The following CREB5 variants were observed in gnomAD, a reference collection of about 807,000 sequenced individuals.
CREB5 encodes the protein cAMP responsive element binding protein 5.
CREB5 carries 19 observed loss-of-function variants against 57.1 expected under a neutral mutation model. The observed-to-expected ratio is 0.33, with a 90% CI of 0.23 to 0.49. The LOEUF (loss-of-function observed/expected upper bound fraction) is 0.49. Ranked by LOEUF, CREB5 falls within the 20% of genes least tolerant of loss-of-function variation. The pLI, the probability that CREB5 is intolerant of heterozygous loss-of-function variation, is 0.99. For synonymous variants in CREB5, 238 were observed against 238.3 expected (o/e 1.00, Z 0.01); for missense variants, 579 against 671.6 (o/e 0.86, Z 1.52).
At chr7:28,521,242 CAATT>C (rs1371635990) in intron 4 of CREB5, among the ~76,000 whole-genome samples, 1 of 152,162 alleles carries the variant, frequency 6.6e-6, no homozygotes, top group African/African-American at 2.4e-5. Flanking sequence ...GGAAACATCT[CAATT>C]AGAGTTTCGG....
intron 4 of CREB5, among the ~76,000 whole-genome samples, chr7:28,526,286 A>C (rs917989350): frequency 6.6e-6 from 1 of 152,246 alleles, no homozygotes; most frequent in Non-Finnish European, 1.5e-5. Flanking sequence ...CAACCTAGGC[A>C]ATGCAGTATG....
intron 1 of CREB5, among the ~76,000 whole-genome samples, chr7:28,352,040 C>T (rs1318122228): frequency 6.6e-6 from 1 of 152,172 alleles, no homozygotes; most frequent in Non-Finnish European, 1.5e-5. Context: ...ACCAAATAGA[C>T]ATGATTTGAG....
chr7:28,402,215 G>T (rs1406400491), intron 1 of CREB5, among the ~76,000 whole-genome samples: 1 of 152,186 alleles, frequency 6.6e-6, no homozygotes, highest in Non-Finnish European at 1.5e-5. Flanking sequence ...GTCTTCTTTT[G>T]AGTAGTGTGT....
chr7:28,564,924 A>G (rs1427017929), intron 4 of CREB5, among the ~76,000 whole-genome samples: 1 of 148,876 alleles, frequency 6.7e-6, no homozygotes, highest in Non-Finnish European at 1.5e-5. Context: ...AAAATATAAC[A>G]TAGGAAGAGA....
At chr7:28,522,836 T>A (rs1206593256) in intron 4 of CREB5, among the ~76,000 whole-genome samples, 1 of 152,192 alleles carries the variant, frequency 6.6e-6, no homozygotes, top group Admixed American at 6.5e-5. Flanking sequence ...AGCTTGCTCT[T>A]TCTTCGTAAT....
chr7:28,388,210 G>A (rs911906429), intron 1 of CREB5, among the ~76,000 whole-genome samples: 4 of 152,154 alleles, frequency 2.6e-5, no homozygotes, highest in African/African-American at 9.7e-5. Flanking sequence ...TGCACAGGTA[G>A]TATCAATTTA....
At chr7:28,517,366 T>C (rs576593423) in intron 4 of CREB5, among the ~76,000 whole-genome samples, 1 of 152,346 alleles carries the variant, frequency 6.6e-6, no homozygotes, top group South Asian at 2.1e-4. Context: ...GTTATTTCCA[T>C]ACTGAAAAGT....
intron 1 of CREB5, among the ~76,000 whole-genome samples, chr7:28,382,916 G>A (rs189959025): frequency 7.2e-5 from 11 of 151,996 alleles, no homozygotes; most frequent in South Asian, 2.1e-4. Flanking sequence ...AGTGAAAATC[G>A]CCTGGCTGTC....
chr7:28,457,889 C>T (rs1790179137), intron 1 of CREB5, among the ~76,000 whole-genome samples: 1 of 152,000 alleles, frequency 6.6e-6, no homozygotes. Flanking sequence ...AATGGGAGCC[C>T]AACATGAGGA....
intron 7 of CREB5, among the ~76,000 whole-genome samples, chr7:28,762,023 C>A (rs776266843): frequency 8.5e-5 from 13 of 152,060 alleles, no homozygotes; most frequent in Non-Finnish European, 1.9e-4. Context: ...CTGAAACTTC[C>A]AGCAGAAGAA....
intron 1 of CREB5, among the ~76,000 whole-genome samples, chr7:28,403,978 T>A (rs1787528262): frequency 6.6e-6 from 1 of 152,230 alleles, no homozygotes; most frequent in Non-Finnish European, 1.5e-5. Flanking sequence ...AATGTAAATA[T>A]AAGATCACTT....
chr7:28,390,402 A>T (rs1787193297), intron 1 of CREB5, among the ~76,000 whole-genome samples: 1 of 152,200 alleles, frequency 6.6e-6, no homozygotes, highest in African/African-American at 2.4e-5. Context: ...TTAAAAATAA[A>T]CTGTTAATAA....
chr7:28,776,134 G>A lies in CREB5; in HGVS notation c.703-28065G>A, dbSNP rs537029247. Among the ~76,000 whole-genome samples, 135 of 151,942 alleles carry A rather than the reference G, an allele frequency of 8.9e-4. 1 individual carries two copies. The highest frequency in any genetic ancestry group is 3.1e-3 in the African/African-American group (130 of 41,440). Reference sequence around the variant, plus strand: ...GGGCGGATCATGAGGTCAGGAGATCGAGACCATCCTGACTAACATGGTGAA... The same window carrying A: ...GGGCGGATCATGAGGTCAGGAGATCAAGACCATCCTGACTAACATGGTGAA... On this transcript the variant is annotated intron_variant, in intron 7 of 10. Transcript: ENST00000357727.
At chr7:28,661,867 A>C (rs751808559) in intron 5 of CREB5, among the ~76,000 whole-genome samples, 9 of 152,236 alleles carry the variant, frequency 5.9e-5, no homozygotes, top group Non-Finnish European at 1.2e-4. Context: ...GCAAATTGTA[A>C]ACATTATAAA....
At chr7:28,662,033 A>C (rs1583498791) in intron 5 of CREB5, among the ~76,000 whole-genome samples, 1 of 152,204 alleles carries the variant, frequency 6.6e-6, no homozygotes, top group South Asian at 2.1e-4. Flanking sequence ...TGTGCATGCC[A>C]ACCCCTGGGG....
intron 5 of CREB5, among the ~76,000 whole-genome samples, chr7:28,575,100 G>A (rs1018450480): frequency 7.9e-5 from 12 of 152,302 alleles, no homozygotes; most frequent in African/African-American, 2.9e-4. Flanking sequence ...AATCCCAGAT[G>A]CTATGTGTCA....
chr7:28,585,612 C>T (rs1018142696), intron 5 of CREB5, among the ~76,000 whole-genome samples: 1 of 152,150 alleles, frequency 6.6e-6, no homozygotes, highest in Non-Finnish European at 1.5e-5. Flanking sequence ...TTGAAGCGTC[C>T]TCTGCCTTAT....
intron 7 of CREB5, among the ~76,000 whole-genome samples, chr7:28,752,089 G>A (rs1284537608): frequency 6.6e-6 from 1 of 152,194 alleles, no homozygotes; most frequent in Non-Finnish European, 1.5e-5. Flanking sequence ...CTTATCCCTG[G>A]TGATATTAAC....
chr7:28,786,096 G>A lies in CREB5; in HGVS notation c.703-18103G>A, dbSNP rs562531040. Among the ~76,000 whole-genome samples the A allele has an allele frequency of 1.3e-4, 20 of 152,184 alleles. No homozygotes were observed. The South Asian group carries it at 3.5e-3, about 27-fold the overall frequency. On this transcript the variant is annotated intron_variant, in intron 7 of 10. Coordinates refer to ENST00000357727, the MANE Select transcript of CREB5 (RefSeq NM_182898.4). ...GGCTGAAAGAAGATACAGCCAACTT[G>A]TACTCAGTTTCATGGCTGCCCATTT...
Sources: gnomAD v4.1 joint callset for allele counts (sites outside exome capture counted in the v4.1 genomes callset) on GRCh38, gnomAD v4.1.1 for gene constraint, MANE v1.5 for transcripts, NCBI Gene and HGNC (gene_info 2026-07-23, HGNC 2026-07-21) for gene names.